The following ASIP variants were observed in gnomAD, a reference collection of about 807,000 sequenced individuals.
ASIP encodes agouti-signaling protein.
Under a neutral mutation model 10.3 loss-of-function variants are expected in ASIP, and 11 were observed. The observed-to-expected ratio is 1.07, with a 90% CI of 0.68 to 1.78. The LOEUF is 1.78. Ranked by LOEUF, ASIP falls within the 40% of genes most tolerant of loss-of-function variation. The pLI is 0.00. For synonymous variants in ASIP, 70 were observed against 70.8 expected, an observed-to-expected ratio of 0.99 and a Z score of 0.06; for missense variants, 180 against 169.2, an observed-to-expected ratio of 1.06 and a Z score of -0.35.
upstream of ASIP, among the ~76,000 whole-genome samples, chr20:34,190,826 C>T (rs1183174534): frequency 2.0e-5 from 3 of 152,156 alleles, no homozygotes; most frequent in African/African-American, 7.2e-5. Context: ...CTTCAGGAGC[C>T]CCAATCCTGA....
At position 34,269,301 on chromosome 20, in the gene ASIP, A is replaced by G. The variant is rs1340840435; in HGVS notation, c.*134A>G. ...TTCCAGGAGATGGGACTTCAGGGAG[A>G]CCTGGCTTGGGCTAAAATCGAAATA... is the stretch of plus-strand genomic sequence containing the variant. On this transcript the variant is annotated 3_prime_UTR_variant, in exon 4 of 4. Transcript: ENST00000374954. 8.6e-7 allele frequency: 1 copy of G among 1,164,880 alleles called. No homozygotes were observed. The highest frequency in any genetic ancestry group is 1.7e-5 in the African/African-American group (1 of 59,946). 72.2% of individuals were successfully genotyped at this position (1,164,880 alleles called of 1,614,324 possible). A position where few individuals can be genotyped will look rare whatever the true frequency, so the allele number is the denominator to read the frequency against.
At chr20:34,213,874 G>A (rs2034990439) in intron 1 of ASIP, 3 of 1,562,138 alleles carry the variant, frequency 1.9e-6, no homozygotes, top group Non-Finnish European at 1.8e-6. Flanking sequence ...GTTGCTGAAA[G>A]CTTTACTAGT....
intron 1 of ASIP, among the ~76,000 whole-genome samples, chr20:34,251,056 T>C (rs965355230): frequency 2.6e-5 from 4 of 152,104 alleles, no homozygotes; most frequent in African/African-American, 9.7e-5. Flanking sequence ...CATCAACCAA[T>C]TGCACTGGAC....
At position 34,260,395 on chromosome 20, in the gene ASIP, C is replaced by G. The variant is rs1210384007; in HGVS notation, c.21C>G (p.Leu7=). The change falls in exon 2 of 4, where the codon CTC becomes CTG. Residue 7 remains leucine, a synonymous_variant. Coordinates refer to ENST00000374954, the MANE Select transcript of ASIP (RefSeq NM_001672.3). ...CTGGGATGGATGTCACCCGCTTACT[C>G]CTGGCCACCCTGCTGGTCTTCCTCT... MDVTRL[L]LATLLVFLCF... The G allele has an allele frequency of 3.1e-6, 5 of 1,613,916 alleles. No homozygotes were observed. The highest frequency in any genetic ancestry group is 3.3e-5 in the Admixed American group (2 of 60,008).
intron 1 of ASIP, among the ~76,000 whole-genome samples, chr20:34,201,044 CTTTCTTTCTTTCTT>C (rs1307881855): frequency 9.4e-6 from 1 of 106,944 alleles, no homozygotes; most frequent in Non-Finnish European, 1.9e-5. Context: ...TTCTTTCTTT[CTTTCTTTCTTTCTT>C]TCTTTTTTTT....
intron 1 of ASIP, among the ~76,000 whole-genome samples, chr20:34,209,437 C>T (rs556552377): frequency 1.3e-5 from 2 of 152,278 alleles, no homozygotes; most frequent in East Asian, 3.9e-4. Flanking sequence ...AGGAACCCCA[C>T]CCTCCTGGAT....
chr20:34,239,940 T>C (rs530686465), upstream of ASIP, among the ~76,000 whole-genome samples: 1 of 152,292 alleles, frequency 6.6e-6, no homozygotes, highest in East Asian at 1.9e-4. Context: ...ATTGTGACTG[T>C]TGAAGTCAAA....
At chr20:34,255,071 T>G (rs1293337542) in intron 1 of ASIP, among the ~76,000 whole-genome samples, 1 of 152,124 alleles carries the variant, frequency 6.6e-6, no homozygotes, top group Non-Finnish European at 1.5e-5. Context: ...TGAATAGTGT[T>G]TACATTAGGC....
At chr20:34,208,459 A>G (rs1291866788) in intron 1 of ASIP, among the ~76,000 whole-genome samples, 1 of 151,920 alleles carries the variant, frequency 6.6e-6, no homozygotes, top group Non-Finnish European at 1.5e-5. Context: ...GGCCCAATTA[A>G]TCCTTCTGCC....
At chr20:34,248,407 A>G (rs915882810) in intron 1 of ASIP, among the ~76,000 whole-genome samples, 12 of 152,190 alleles carry the variant, frequency 7.9e-5, no homozygotes, top group Non-Finnish European at 1.3e-4. Context: ...GCCACAGCTC[A>G]TTTTCAGTCA....
In ASIP at chr20:34,200,151, T is replaced by C. The variant is rs545803539; in HGVS notation, c.-11+5391T>C. 2.2e-4 allele frequency among the ~76,000 whole-genome samples: 33 copies of C among 152,344 alleles called. No homozygotes were observed. The East Asian group carries it at 6.0e-3, about 28-fold the overall frequency. On this transcript the variant is annotated intron_variant, in intron 1 of 3. Transcript: ENST00000568305. ...TATAAAAATAAAGATTTGATTTTGG[T>C]CATTCTTCAGATGTTTGGCTCTGAA...
At chr20:34,195,458 C>A (rs974408077) in intron 1 of ASIP, among the ~76,000 whole-genome samples, 4 of 152,194 alleles carry the variant, frequency 2.6e-5, no homozygotes, top group East Asian at 3.8e-4. Flanking sequence ...CCTCAAGCCA[C>A]AGGGATCTCA....
chr20:34,235,801 GA>G (rs35121712), intron 1 of ASIP, among the ~76,000 whole-genome samples: 1 of 52,470 alleles, frequency 1.9e-5, no homozygotes, highest in Non-Finnish European at 3.0e-5. Flanking sequence ...AAGAAAGAAA[GA>G]AAGAAAGAAA....
At chr20:34,253,947 GAT>G (rs1424091827) in intron 1 of ASIP, among the ~76,000 whole-genome samples, 1 of 152,172 alleles carries the variant, frequency 6.6e-6, no homozygotes, top group Non-Finnish European at 1.5e-5. Flanking sequence ...TGTCATCAGA[GAT>G]ATCACACATC....
At chr20:34,206,859 C>T (rs1287689408) in intron 1 of ASIP, among the ~76,000 whole-genome samples, 1 of 152,220 alleles carries the variant, frequency 6.6e-6, no homozygotes, top group Admixed American at 6.5e-5. Flanking sequence ...GGATTAGCCA[C>T]CATGCCTGGC....
At chr20:34,188,225 T>C in the ASIP span, among the ~76,000 whole-genome samples, 1 of 152,236 alleles carries the variant, frequency 6.6e-6, no homozygotes, top group Non-Finnish European at 1.5e-5. Flanking sequence ...CACAAAATCG[T>C]AAAGGAGGTG....
chr20:34,210,098 G>C (rs764358908), intron 1 of ASIP, among the ~76,000 whole-genome samples: 9 of 152,182 alleles, frequency 5.9e-5, no homozygotes, highest in Non-Finnish European at 1.2e-4. Context: ...TCTTCACCTT[G>C]CTCACCCTCC....
chr20:34,187,610 G>T, the ASIP span, among the ~76,000 whole-genome samples: 2 of 152,148 alleles, frequency 1.3e-5, no homozygotes, highest in African/African-American at 4.8e-5. Flanking sequence ...TTTATAAATG[G>T]CAGTGACAGA....
intron 1 of ASIP, among the ~76,000 whole-genome samples, chr20:34,244,621 A>C (rs2035339371): frequency 6.6e-6 from 1 of 152,212 alleles, no homozygotes; most frequent in African/African-American, 2.4e-5. Context: ...ATTTTTCATT[A>C]TAAATAATAT....
Sources: allele counts gnomAD v4.1 joint callset (sites outside exome capture counted in the v4.1 genomes callset), GRCh38; gene constraint gnomAD v4.1.1; transcripts MANE v1.5; gene names NCBI Gene and HGNC (gene_info 2026-07-23, HGNC 2026-07-21).